Variants in DISP1 observed in about 807,000 individuals in gnomAD.
DISP1 encodes protein dispatched homolog 1.
A neutral mutation model predicts 37.3 loss-of-function variants in DISP1; 30 were observed. That is an observed-to-expected ratio of 0.80 (90% CI 0.60 to 1.09). DISP1 has a LOEUF of 1.09. Ranked by LOEUF, DISP1 falls within the 50% of genes least tolerant of loss-of-function variation. The pLI is 0.00. For synonymous variants in DISP1, 634 were observed against 690.2 expected, an observed-to-expected ratio of 0.92 and a Z score of 1.28; for missense variants, 1,598 against 1,879.5, an observed-to-expected ratio of 0.85 and a Z score of 2.77.
At chr1:222,955,365 G>C (rs376199666) in intron 3 of DISP1, among the ~76,000 whole-genome samples, 2 of 152,162 alleles carry the variant, frequency 1.3e-5, no homozygotes, top group East Asian at 1.9e-4. Context: ...AATTACAGGT[G>C]TGAGCCACAG....
In DISP1 at chr1:222,943,313, C is replaced by T. The variant is rs1674521175; in HGVS notation, c.490C>T (p.Gln164Ter). 2 of 1,614,242 alleles carry T rather than the reference C, an allele frequency of 1.2e-6. No homozygotes were observed. Among genetic ancestry groups the T allele is most frequent in the South Asian group, 1.1e-5 (1 of 91,082 alleles). Residue 164 changes from glutamine (Q) to a stop codon, truncating the protein, a stop_gained, in exon 3 of 9, where the codon CAG becomes TAG. Transcript: ENST00000675850. LOFTEE classifies it high-confidence loss of function. ...PDHFQHQPVQ[Q>*]HIANIRPSRP... ...CCATTTTCAGCATCAGCCTGTGCAA[C>T]AGCACATAGCCAACATAAGGTAAGT...
At chr1:222,969,689 C>T (rs72742255) in intron 3 of DISP1, among the ~76,000 whole-genome samples, 2,536 of 151,640 alleles carry the variant, frequency 0.017, 29 homozygotes, top group Non-Finnish European at 0.023. Flanking sequence ...ATACTTTATG[C>T]ATCTAGTGTG....
chr1:222,838,873 TATTA>T (rs910222881), intron 1 of DISP1, among the ~76,000 whole-genome samples: 3 of 152,242 alleles, frequency 2.0e-5, no homozygotes, highest in Non-Finnish European at 2.9e-5. Context: ...TCTCCAAATA[TATTA>T]ATTTTGGTTT....
chr1:222,923,239 A>G (rs1672905730), intron 1 of DISP1, among the ~76,000 whole-genome samples: 1 of 152,146 alleles, frequency 6.6e-6, no homozygotes, highest in African/African-American at 2.4e-5. Flanking sequence ...GGTGGTCAAG[A>G]TTGAGAGTAC....
chr1:222,918,947 AG>A (rs1392389930), intron 1 of DISP1, among the ~76,000 whole-genome samples: 3 of 152,206 alleles, frequency 2.0e-5, no homozygotes, highest in Admixed American at 2.0e-4. Flanking sequence ...TGTGGGTATG[AG>A]GGTATGCTTG....
Position 222,815,097 on chromosome 1 carries a change from C to T in DISP1, c.-159+19C>T, listed in dbSNP as rs1324188696. The T allele has an allele frequency of 6.6e-6, 1 of 152,270 alleles. No individual in the cohort carries two copies. Among genetic ancestry groups the T allele is most frequent in the Non-Finnish European group, 1.5e-5 (1 of 68,100 alleles). The allele number at this position is 152,270 out of a possible 1,614,324, so 9.4% of individuals were successfully genotyped here. ...ACTGGAGGTGAGTTCGCAGCCGGAA[C>T]GTTGCAGGCACTTGTTTCCTCAGTG... is the stretch of plus-strand genomic sequence containing the variant. On this transcript the variant is annotated intron_variant, in intron 1 of 8. Transcript: ENST00000675850.
At chr1:222,818,982 C>T (rs1417724055) in intron 1 of DISP1, among the ~76,000 whole-genome samples, 1 of 152,178 alleles carries the variant, frequency 6.6e-6, no homozygotes, top group Non-Finnish European at 1.5e-5. Flanking sequence ...TGTGTCCCCA[C>T]CCAAATCTCA....
intron 1 of DISP1, among the ~76,000 whole-genome samples, chr1:222,838,894 A>AT (rs1346514158): frequency 1.3e-5 from 2 of 152,192 alleles, no homozygotes; most frequent in Non-Finnish European, 2.9e-5. Flanking sequence ...GTTTTAAAAA[A>AT]CAATTTGTGG....
At chr1:222,911,802 A>T (rs1672226117) in intron 1 of DISP1, among the ~76,000 whole-genome samples, 2 of 152,126 alleles carry the variant, frequency 1.3e-5, no homozygotes, top group Non-Finnish European at 2.9e-5. Flanking sequence ...AGAGCACTAG[A>T]ATTATTGGCA....
chr1:222,838,959 C>T (rs989129590), intron 1 of DISP1, among the ~76,000 whole-genome samples: 7 of 152,056 alleles, frequency 4.6e-5, no homozygotes, highest in Non-Finnish European at 8.8e-5. Flanking sequence ...TTGTGATAGG[C>T]GCATTCCTTG....
At chr1:222,947,844 G>A (rs115054736) in intron 3 of DISP1, among the ~76,000 whole-genome samples, 40 of 152,118 alleles carry the variant, frequency 2.6e-4, no homozygotes, top group African/African-American at 8.9e-4. Flanking sequence ...GATTGAATTG[G>A]GTCAGGACCG....
chr1:222,849,968 A>C (rs912856920), intron 1 of DISP1, among the ~76,000 whole-genome samples: 1 of 152,292 alleles, frequency 6.6e-6, no homozygotes, highest in South Asian at 2.1e-4. Flanking sequence ...GTATGTGGAC[A>C]TGGCTAATAA....
chr1:222,987,046 GATATAT>G (rs67964109), intron 4 of DISP1, among the ~76,000 whole-genome samples: 1 of 146,066 alleles, frequency 6.8e-6, no homozygotes, highest in African/African-American at 2.5e-5. Flanking sequence ...ACAGGATATG[GATATAT>G]ATATATATAT....
rs142996186 is a variant in DISP1 at position 222,943,129 on chromosome 1, C to G, written c.306C>G (p.Pro102=). ...TSHSSHQECH[P]EAGPAAPSAL... Reference sequence around the variant, plus strand: ...ATAGCAGTCACCAAGAGTGCCATCCCGAGGCTGGCCCTGCAGCACCCTCTG... The same window carrying G: ...ATAGCAGTCACCAAGAGTGCCATCCGGAGGCTGGCCCTGCAGCACCCTCTG... The change falls in exon 3 of 9, where the codon CCC becomes CCG. Residue 102 remains proline (P), a synonymous_variant. Transcript: ENST00000675850. The G allele has an allele frequency of 6.2e-7, 1 of 1,613,656 alleles. No individual in the cohort carries two copies.
At position 222,875,282 on chromosome 1, in the gene DISP1, C is replaced by T. The variant is rs192951987; in HGVS notation, c.-158-53148C>T. 3.0e-3 allele frequency among the ~76,000 whole-genome samples: 450 copies of T among 151,936 alleles called. 3 individuals are homozygous for T. The highest frequency in any genetic ancestry group is 0.011 in the African/African-American group (437 of 41,454). On this transcript the variant is annotated intron_variant, in intron 1 of 8. Coordinates refer to ENST00000675850, the MANE Select transcript of DISP1 (RefSeq NM_001377229.1). ...GAGCCCAAACCACGCCACTGTACTC[C>T]AGCCTGGGTAAGAGAGTGAGACTCC...
chr1:222,965,793 A>G (rs1053383218), intron 3 of DISP1, among the ~76,000 whole-genome samples: 2 of 151,962 alleles, frequency 1.3e-5, no homozygotes, highest in East Asian at 1.9e-4. Flanking sequence ...GGTTATTTTT[A>G]TATTCACATT....
At chr1:222,989,100 T>A (rs943184912) in intron 4 of DISP1, among the ~76,000 whole-genome samples, 2 of 152,194 alleles carry the variant, frequency 1.3e-5, no homozygotes, top group Non-Finnish European at 2.9e-5. Context: ...AGTTAAGACA[T>A]CAGATTATAA....
chr1:222,840,194 A>T (rs1039900517), intron 1 of DISP1, among the ~76,000 whole-genome samples: 2 of 152,174 alleles, frequency 1.3e-5, no homozygotes, highest in Non-Finnish European at 1.5e-5. Context: ...ACTATTATAA[A>T]TCAGGGACCA....
chr1:222,984,152 TC>T (rs1426109608), intron 4 of DISP1, among the ~76,000 whole-genome samples: 1 of 151,938 alleles, frequency 6.6e-6, no homozygotes, highest in Non-Finnish European at 1.5e-5. Context: ...ACGCCTATAA[TC>T]CCAGCACTTT....
Sources: gnomAD v4.1 joint callset for allele counts (sites outside exome capture counted in the v4.1 genomes callset) on GRCh38, gnomAD v4.1.1 for gene constraint, MANE v1.5 for transcripts, NCBI Gene and HGNC (gene_info 2026-07-23, HGNC 2026-07-21) for gene names.